DPP6: variants seen among roughly 807,000 people sequenced by gnomAD.
DPP6 encodes the protein A-type potassium channel modulatory protein DPP6.
In DPP6, 69 loss-of-function variants were observed where a neutral mutation model predicts 122.6. That is an observed-to-expected ratio of 0.56 (90% CI 0.46 to 0.69). The LOEUF is 0.69. DPP6 is among the 30% of genes least tolerant of loss of function. DPP6 has a pLI of 0.00. For missense variants in DPP6, 928 were observed against 1,116.9 expected (o/e 0.83, Z 2.41); for synonymous variants, 418 against 433.1 (o/e 0.97, Z 0.43).
intron 5 of DPP6, among the ~76,000 whole-genome samples, chr7:154,608,544 C>A (rs1294909061): frequency 1.4e-5 from 2 of 145,856 alleles, no homozygotes; most frequent in African/African-American, 2.5e-5. Context: ...ACCATGTTGG[C>A]CAGGCTGGTC....
chr7:154,030,729 A>G lies in DPP6; in HGVS notation c.51+142995A>G, dbSNP rs151102420. ...CTTTACCTGAATTGCTGGGAGATTC[A>G]GCGTCTGGACTTCCCCACTCCCAGC... On this transcript the variant is annotated intron_variant, in intron 1 of 25. Coordinates refer to the DPP6 transcript ENST00000404039. 5.7e-3 allele frequency among the ~76,000 whole-genome samples: 867 copies of G among 152,084 alleles called. 5 individuals are homozygous for G. Among genetic ancestry groups the G allele is most frequent in the African/African-American group, 0.019 (799 of 41,464 alleles).
chr7:154,785,991 T>C (rs1797310680), intron 10 of DPP6, among the ~76,000 whole-genome samples: 1 of 152,184 alleles, frequency 6.6e-6, no homozygotes, highest in Admixed American at 6.5e-5. Flanking sequence ...GTGCCCTCCA[T>C]AGCCCTGGTA....
intron 4 of DPP6, among the ~76,000 whole-genome samples, chr7:154,566,332 A>T (rs1432648650): frequency 1.3e-5 from 2 of 151,990 alleles, no homozygotes; most frequent in Non-Finnish European, 2.9e-5. Flanking sequence ...CCCAGGCTGG[A>T]GTGCAATGGC....
intron 5 of DPP6, among the ~76,000 whole-genome samples, chr7:154,571,798 TAA>T (rs1831125328): frequency 6.6e-6 from 1 of 152,186 alleles, no homozygotes; most frequent in African/African-American, 2.4e-5. Context: ...CTGAAACACA[TAA>T]ACCAATCCGT....
chr7:154,069,567 A>T (rs561344484), intron 1 of DPP6, among the ~76,000 whole-genome samples: 1 of 151,986 alleles, frequency 6.6e-6, no homozygotes, highest in East Asian at 2.0e-4. Flanking sequence ...TTTAAACCTG[A>T]CTGAGAGCTA....
intron 1 of DPP6, among the ~76,000 whole-genome samples, chr7:154,062,295 C>CCA (rs1475428223): frequency 1.2e-5 from 1 of 80,332 alleles, no homozygotes; most frequent in Non-Finnish European, 2.5e-5. Flanking sequence ...TCCCTCTTCC[C>CCA]CCCCGGCTCT....
At chr7:154,340,669 T>C (rs1197728446) in intron 1 of DPP6, among the ~76,000 whole-genome samples, 1 of 152,222 alleles carries the variant, frequency 6.6e-6, no homozygotes, top group Non-Finnish European at 1.5e-5. Flanking sequence ...GAAGCACTGG[T>C]GATAGCAGCA....
At chr7:154,617,247 C>G (rs1834320558) in intron 5 of DPP6, among the ~76,000 whole-genome samples, 2 of 152,178 alleles carry the variant, frequency 1.3e-5, no homozygotes, top group South Asian at 4.1e-4. Context: ...GCTCTTTATG[C>G]TGTGAGTCTC....
chr7:154,536,582 C>T (rs2130190702), intron 3 of DPP6, among the ~76,000 whole-genome samples: 1 of 152,244 alleles, frequency 6.6e-6, no homozygotes, highest in Admixed American at 6.5e-5. Flanking sequence ...GAATGTAATG[C>T]ATATAAGGCT....
At chr7:154,321,451 C>T (rs1052927762) in intron 1 of DPP6, among the ~76,000 whole-genome samples, 2 of 151,810 alleles carry the variant, frequency 1.3e-5, no homozygotes, top group Non-Finnish European at 2.9e-5. Context: ...ACCCTGGTTC[C>T]TTCATTATTA....
intron 1 of DPP6, among the ~76,000 whole-genome samples, chr7:154,278,527 G>T (rs533256324): frequency 1.3e-5 from 2 of 152,296 alleles, no homozygotes; most frequent in Admixed American, 1.3e-4. Context: ...GAGCATGTGG[G>T]TCTGTTCCCT....
intron 3 of DPP6, among the ~76,000 whole-genome samples, chr7:154,505,191 C>A (rs1041241475): frequency 6.6e-6 from 1 of 152,130 alleles, no homozygotes; most frequent in Non-Finnish European, 1.5e-5. Flanking sequence ...GACCTCTCAG[C>A]CCATACTAAT....
At chr7:154,522,903 G>A (rs539244940) in intron 3 of DPP6, among the ~76,000 whole-genome samples, 64 of 152,238 alleles carry the variant, frequency 4.2e-4, no homozygotes, top group Middle Eastern at 6.8e-3. Context: ...ACCTAAACAC[G>A]AGAATAGTTG....
chr7:154,081,769 C>T (rs1050965599), intron 1 of DPP6, among the ~76,000 whole-genome samples: 1 of 151,210 alleles, frequency 6.6e-6, no homozygotes, highest in Non-Finnish European at 1.5e-5. Context: ...ATGCCAAGTG[C>T]TAATTGTAAA....
At chr7:154,438,895 GC>G (rs1164682391) in intron 1 of DPP6, among the ~76,000 whole-genome samples, 1 of 152,136 alleles carries the variant, frequency 6.6e-6, no homozygotes, top group Admixed American at 6.6e-5. Flanking sequence ...ATTGTCTCTG[GC>G]TGAGGAGGAG....
intron 1 of DPP6, among the ~76,000 whole-genome samples, chr7:154,266,651 G>A (rs1430193681): frequency 6.6e-6 from 1 of 151,262 alleles, no homozygotes; most frequent in East Asian, 1.9e-4. Context: ...GAAATTCATT[G>A]GTTAACTAAC....
chr7:153,776,359 T>C, the DPP6 span, among the ~76,000 whole-genome samples: 31 of 152,032 alleles, frequency 2.0e-4, no homozygotes, highest in Non-Finnish European at 5.9e-5. Context: ...AGTGAATGAG[T>C]CCTCCTGAGG....
chr7:154,732,967 CA>C (rs1317390872), intron 8 of DPP6, among the ~76,000 whole-genome samples: 2 of 152,200 alleles, frequency 1.3e-5, no homozygotes, highest in Non-Finnish European at 2.9e-5. Context: ...CCACCCTGCC[CA>C]GTCCACCGCC....
At chr7:153,786,605 G>C in the DPP6 span, among the ~76,000 whole-genome samples, 3 of 151,714 alleles carry the variant, frequency 2.0e-5, no homozygotes, top group Non-Finnish European at 2.9e-5. Flanking sequence ...CGGGCGTGGT[G>C]GCGCGCACCT....
Sources: gnomAD v4.1 joint callset for allele counts (sites outside exome capture counted in the v4.1 genomes callset) on GRCh38, gnomAD v4.1.1 for gene constraint, MANE v1.5 for transcripts, NCBI Gene and HGNC (gene_info 2026-07-23, HGNC 2026-07-21) for gene names.